The following PHYKPL variants were observed in gnomAD, a reference collection of about 807,000 sequenced individuals.
The protein encoded by PHYKPL is 5-phosphonooxy-L-lysine phospho-lyase.
A neutral mutation model predicts 51.3 loss-of-function variants in PHYKPL; 42 were observed. That is an observed-to-expected ratio of 0.82 (90% confidence interval 0.64 to 1.06). The LOEUF (loss-of-function observed/expected upper bound fraction) is 1.06, where lower values mean the gene tolerates loss of function less well. PHYKPL is among the 50% of genes least tolerant of loss of function. The pLI, the probability that PHYKPL is intolerant of heterozygous loss-of-function variation, is 0.00. For synonymous variants in PHYKPL, 264 were observed against 236.0 expected (o/e 1.12, Z -1.09); for missense variants, 655 against 586.6 (o/e 1.12, Z -1.20).
chr5:178,210,106 G>T, intron 12 of PHYKPL: 2 of 1,611,844 alleles, frequency 1.2e-6, no homozygotes, highest in South Asian at 1.1e-5. Context: ...TGGTCCACGG[G>T]CCCCTGTGCC....
At chr5:178,230,300 G>A (rs72819004) in intron 2 of PHYKPL, 158,378 of 590,852 alleles carry the variant, frequency 0.27, 22,959 homozygotes, top group East Asian at 0.45. Context: ...GATTCTGGCA[G>A]AAGGAAAGCC....
chr5:178,217,226 A>AT (rs58049202), intron 8 of PHYKPL, among the ~76,000 whole-genome samples: 29,307 of 143,608 alleles, frequency 0.2, 3,094 homozygotes, highest in South Asian at 0.3. Flanking sequence ...GGCTCAACAG[A>AT]TTTTTTTTTT....
chr5:178,219,867 C>T (rs1486750800), intron 8 of PHYKPL, among the ~76,000 whole-genome samples: 3 of 152,106 alleles, frequency 2.0e-5, no homozygotes, highest in Non-Finnish European at 4.4e-5. Context: ...CTGTTTTACG[C>T]TCCACTTGAC....
intron 4 of PHYKPL, 30 bp from the exon 5 acceptor site, chr5:178,224,759 G>A: frequency 6.4e-7 from 1 of 1,574,368 alleles, no homozygotes; most frequent in Non-Finnish European, 8.7e-7. Flanking sequence ...GTAGGCTCGG[G>A]TCCGGGCAGC....
chr5:178,213,070 A>G lies in PHYKPL; in HGVS notation c.1206T>C (p.Asp402=), dbSNP rs139176315. 6.2e-7 allele frequency: 1 copy of G among 1,614,094 alleles called. No individual in the cohort carries two copies. The highest frequency in any genetic ancestry group is 1.3e-5 in the African/African-American group (1 of 74,954). The change falls in exon 11 of 13, where the codon GAT becomes GAC. Residue 402 remains aspartate, a synonymous_variant. Transcript: ENST00000308158. ...ACTTCAGGATGTTCCTCCCAGGGCC[A>G]TCAGTGCTCAGCAAAACGTAGTTCT... ...LKENYVLLST[D]GPGRNILKFK...
intron 3 of PHYKPL, chr5:178,229,656 T>G: frequency 3.3e-6 from 1 of 305,726 alleles, no homozygotes; most frequent in East Asian, 6.2e-5. Flanking sequence ...CAGGCAGGGA[T>G]TTTGGCTGTA....
intron 1 of PHYKPL, chr5:178,231,767 G>C (rs1278072577): frequency 2.0e-6 from 3 of 1,478,042 alleles, no homozygotes; most frequent in Non-Finnish European, 2.7e-6. Context: ...TTCAGCCTCT[G>C]TGGCCTCCTT....
chr5:178,222,985 G>A (rs3749813), intron 6 of PHYKPL, 51 bp from the exon 7 acceptor site: 303,090 of 1,574,188 alleles, frequency 0.19, 30,604 homozygotes, highest in East Asian at 0.28. Flanking sequence ...TGCAGTGACC[G>A]GCTTAGCGTG....
chr5:178,210,539 G>T, intron 12 of PHYKPL: 1 of 1,613,184 alleles, frequency 6.2e-7, no homozygotes, highest in South Asian at 1.1e-5. Flanking sequence ...TGCTATGGTT[G>T]TTCTCGTCCC....
chr5:178,212,224 C>T (rs1389872743), intron 11 of PHYKPL, among the ~76,000 whole-genome samples: 6 of 152,252 alleles, frequency 3.9e-5, no homozygotes, highest in African/African-American at 1.2e-4. Context: ...TCCACAAACA[C>T]ACTCCTATTC....
At chr5:178,224,388 C>T (rs1018139612) in intron 6 of PHYKPL, 60 bp downstream of exon 6, 52 of 1,450,918 alleles carry the variant, frequency 3.6e-5, no homozygotes, top group Middle Eastern at 1.8e-4. Context: ...AGCACAGTGG[C>T]GGTGACAACG....
intron 12 of PHYKPL, chr5:178,210,005 G>A (rs1757696789): frequency 1.5e-6 from 2 of 1,335,242 alleles, no homozygotes; most frequent in African/African-American, 2.9e-5. Flanking sequence ...CACCAGAACA[G>A]CAGCCCCTTG....
chr5:178,207,209 C>T (rs1757104395), downstream of PHYKPL: 2 of 1,614,180 alleles, frequency 1.2e-6, no homozygotes, highest in Non-Finnish European at 1.7e-6. Flanking sequence ...AAGTTCCATA[C>T]TGTCAGTGGA....
In PHYKPL at chr5:178,221,168, T is replaced by C. The variant is rs1761107216; in HGVS notation, c.927+1187A>G. On this transcript the variant is annotated intron_variant, in intron 8 of 12. Coordinates refer to ENST00000308158, the MANE Select transcript of PHYKPL (RefSeq NM_153373.4). ...ACAGACAGATGTTGAGAGTCTTCCA[T>C]GAACCAAGGATTCTATCTAATTATG... Among the ~76,000 whole-genome samples the C allele has an allele frequency of 3.3e-5, 5 of 152,342 alleles. No individual in the cohort carries two copies. In the South Asian group the frequency reaches 8.3e-4, roughly 25 times the overall value.
chr5:178,217,351 G>GC (rs1473687635), intron 8 of PHYKPL, among the ~76,000 whole-genome samples: 1 of 151,642 alleles, frequency 6.6e-6, no homozygotes, highest in Non-Finnish European at 1.5e-5. Context: ...CTCCCAACTA[G>GC]CTGGGACTAT....
rs768058103 is a variant in PHYKPL, at chr5:178,230,063, T to C, written c.215A>G (p.His72Arg). The C allele has an allele frequency of 1.2e-5, 20 of 1,614,042 alleles. No individual in the cohort carries two copies. In the South Asian group the frequency reaches 2.0e-4, roughly 16 times the overall value. Residue 72 changes from histidine to arginine, a missense_variant, in exon 3 of 13, where the codon CAT becomes CGT. By Grantham distance (29) the His-to-Arg change is conservative. Coordinates refer to ENST00000308158, the MANE Select transcript of PHYKPL (RefSeq NM_153373.4). ...HCHPLVVQAA[H>R]EQNQVLNTNS... is the part of the protein sequence containing the mutation. ...GGTGTTGAGCACCTGGTTCTGCTCA[T>C]GTGCTGCTTGGACCACGAGAGGGTG...
chr5:178,229,674 G>T, intron 3 of PHYKPL: 1 of 362,656 alleles, frequency 2.8e-6, no homozygotes, highest in African/African-American at 2.0e-5. Context: ...GTATCCTTAA[G>T]GCAGAAATAA....
intron 6 of PHYKPL, 30 bp from the exon 7 acceptor site, chr5:178,222,964 C>G (rs745448032): frequency 6.2e-7 from 1 of 1,610,754 alleles, no homozygotes; most frequent in Admixed American, 1.7e-5. Context: ...GGGAACACGA[C>G]CATGGGGTTG....
chr5:178,232,797 C>A lies in PHYKPL; in HGVS notation c.-247G>T. 3.0e-6 allele frequency: 1 copy of A among 333,992 alleles called. No individual in the cohort carries two copies. The highest frequency in any genetic ancestry group is 2.6e-5 in the African/African-American group (1 of 38,626). The allele number at this position is 333,992 out of a possible 1,614,324, so 20.7% of individuals were successfully genotyped here. A position where few individuals can be genotyped will look rare whatever the true frequency, so the allele number is the denominator to read the frequency against. On this transcript the variant is annotated 5_prime_UTR_variant, in exon 1 of 13. Coordinates refer to ENST00000308158, the MANE Select transcript of PHYKPL (RefSeq NM_153373.4). Reference sequence around the variant, plus strand: ...CCCGCGCAGGAACTCGAGCGCTGCCCCGTCTCTGGTTCCGGGACGCGCCCC... The same window carrying A: ...CCCGCGCAGGAACTCGAGCGCTGCCACGTCTCTGGTTCCGGGACGCGCCCC...
Sources: allele counts gnomAD v4.1 joint callset (sites outside exome capture counted in the v4.1 genomes callset), GRCh38; gene constraint gnomAD v4.1.1; transcripts MANE v1.5; gene names NCBI Gene and HGNC (gene_info 2026-07-23, HGNC 2026-07-21).